DSC2: variants seen among roughly 807,000 people sequenced by gnomAD.
The protein encoded by DSC2 is desmocollin 2, also known as desmocollin-2.
Under a neutral mutation model 87.6 loss-of-function variants are expected in DSC2, and 51 were observed. That is an observed-to-expected ratio of 0.58 (90% CI 0.46 to 0.74). The LOEUF (loss-of-function observed/expected upper bound fraction) is 0.74. Among genes scored for constraint, DSC2 ranks in the 30% least tolerant of loss-of-function variants. DSC2 has a pLI of 0.00. For missense variants in DSC2, 1,066 were observed against 1,089.5 expected (o/e 0.98, Z 0.30); for synonymous variants, 383 against 393.2 (o/e 0.97, Z 0.31).
rs780448272 is a variant in DSC2 at position 31,087,797 on chromosome 18, G to A, written c.647C>T (p.Thr216Ile). ...TTCTGGAGTATACCCATCTGGAGTT[G>A]TTGCAAAGGCAATTATCTGTGAAGA... ...YESFEIIAFATTPDGYTPELP... is the reference protein window; with the variant it reads ...YESFEIIAFAITPDGYTPELP... Residue 216 changes from threonine (T) to isoleucine (I), a missense_variant, in exon 6 of 16, where the codon ACA becomes ATA. Coordinates refer to ENST00000280904, the MANE Select transcript of DSC2 (RefSeq NM_024422.6). 1 of 1,613,814 alleles carries A rather than the reference G, an allele frequency of 6.2e-7. No homozygotes were observed. Among genetic ancestry groups the A allele is most frequent in the Non-Finnish European group, 8.5e-7 (1 of 1,179,822 alleles).
intron 14 of DSC2, among the ~76,000 whole-genome samples, chr18:31,070,390 G>A (rs1483721523): frequency 5.3e-5 from 8 of 152,172 alleles, no homozygotes; most frequent in Non-Finnish European, 1.0e-4. Flanking sequence ...TTGGTAAACC[G>A]TGAATAATTA....
At chr18:31,093,702 ATAT>A in intron 1 of DSC2, 59 bp from the exon 2 acceptor site, 1 of 809,376 alleles carries the variant, frequency 1.2e-6, no homozygotes, top group Non-Finnish European at 1.7e-6. Context: ...TTTAATGTGT[ATAT>A]TATTTATATA....
Position 31,062,016 on chromosome 18 carries a change from C to G in DSC2, c.*5999G>C, listed in dbSNP as rs899878702. On this transcript the variant is annotated 3_prime_UTR_variant, in exon 16 of 16. Transcript: ENST00000280904. Reference sequence around the variant, plus strand: ...TACGTGAGAAGAGCAGGGCTGGGAACTACCTCTTACGTGTTATCTTCCAAG... The same window carrying G: ...TACGTGAGAAGAGCAGGGCTGGGAAGTACCTCTTACGTGTTATCTTCCAAG... 6.6e-6 allele frequency: 1 copy of G among 152,212 alleles called. No individual in the cohort carries two copies. Among genetic ancestry groups the G allele is most frequent in the Admixed American group, 6.5e-5 (1 of 15,270 alleles). The allele number at this position is 152,212 out of a possible 1,614,324, so 9.4% of individuals were successfully genotyped here.
rs775579662 is a variant in DSC2 at position 31,080,307 on chromosome 18, C to G, written c.1309G>C (p.Val437Leu). ...EKQQMILQIG[V>L]VNEAPFSREA... is the part of the protein sequence containing the mutation. ...CTGGAAAATGGAGCTTCATTAACTA[C>G]ACCAATTTGCAAGATCATCTGTTGC... The change falls in exon 10 of 16, where the codon GTA (valine) becomes CTA (leucine). Residue 437 changes from valine (V) to leucine (L), a missense_variant. By Grantham distance (32) the Val-to-Leu change is conservative. Coordinates refer to ENST00000280904, the MANE Select transcript of DSC2 (RefSeq NM_024422.6). 4 of 1,613,890 alleles carry G rather than the reference C, an allele frequency of 2.5e-6. No homozygotes were observed. The highest frequency in any genetic ancestry group is 3.4e-6 in the Non-Finnish European group (4 of 1,179,962).
Position 31,067,329 on chromosome 18 carries a change from C to T in DSC2, c.*686G>A, listed in dbSNP as rs371160064. ...GAGATGCTACTTGACATTTTAAAGACCAAAAACTTGCAGTAGTAAAAATAC... is the reference window on the plus strand; with the variant it reads ...GAGATGCTACTTGACATTTTAAAGATCAAAAACTTGCAGTAGTAAAAATAC... On this transcript the variant is annotated 3_prime_UTR_variant, in exon 16 of 16. Coordinates refer to ENST00000280904, the MANE Select transcript of DSC2 (RefSeq NM_024422.6). 3 of 149,552 alleles carry T rather than the reference C, an allele frequency of 2.0e-5. No individual in the cohort carries two copies. The highest frequency in any genetic ancestry group is 7.4e-5 in the African/African-American group (3 of 40,804). 9.3% of individuals were successfully genotyped at this position (149,552 alleles called of 1,614,324 possible).
chr18:31,074,122 C>T (rs1986923770), intron 12 of DSC2, among the ~76,000 whole-genome samples: 1 of 152,180 alleles, frequency 6.6e-6, no homozygotes. Flanking sequence ...TTAGCTCAGA[C>T]TCCCCCTGGG....
rs771406828 is a variant in DSC2, at chr18:31,079,967, T to A, written c.1543A>T (p.Thr515Ser). ...TTTTCATCAATGGTGACCCACCCTG[T>A]TGGATCAGTTAATTTCTTATACCTG... The part of the protein sequence containing the change: ...GIRYKKLTDP[T>S]GWVTIDENTG... Residue 515 changes from threonine to serine, a missense_variant, in exon 11 of 16, where the codon ACA becomes TCA. Physicochemically the swap from Thr to Ser is moderately conservative, Grantham distance 58. Coordinates refer to ENST00000280904, the MANE Select transcript of DSC2 (RefSeq NM_024422.6). The A allele has an allele frequency of 6.2e-7, 1 of 1,613,942 alleles. No homozygotes were observed. The highest frequency in any genetic ancestry group is 8.5e-7 in the Non-Finnish European group (1 of 1,179,912).
At chr18:31,082,840 G>A (rs941396597) in intron 8 of DSC2, 86 bp downstream of exon 8, 4 of 1,483,140 alleles carry the variant, frequency 2.7e-6, no homozygotes, top group East Asian at 2.3e-5. Flanking sequence ...TTACAGGCGT[G>A]AGCCACTGCG....
rs577956202 is a variant in DSC2 at position 31,097,098 on chromosome 18, C to T, written c.70-3455G>A. ...GAGATAGAGACCATCCTGGCTAACA[C>T]GGTGAAACCCTGTCTCTACTAAAAA... On this transcript the variant is annotated intron_variant, in intron 1 of 15. Coordinates refer to ENST00000280904, the MANE Select transcript of DSC2 (RefSeq NM_024422.6). Among the ~76,000 whole-genome samples the T allele has an allele frequency of 4.0e-5, 6 of 151,422 alleles. No homozygotes were observed. The East Asian group carries it at 5.8e-4, about 15-fold the overall frequency.
intron 3 of DSC2, 68 bp from the exon 4 acceptor site, chr18:31,091,215 A>G (rs766345069): frequency 4.0e-4 from 633 of 1,590,160 alleles, no homozygotes; most frequent in Non-Finnish European, 5.3e-4. Flanking sequence ...TTAAACAATG[A>G]CACATCTTTC....
intron 1 of DSC2, among the ~76,000 whole-genome samples, chr18:31,095,322 A>G (rs868298004): frequency 6.6e-6 from 1 of 152,310 alleles, no homozygotes; most frequent in East Asian, 1.9e-4. Flanking sequence ...AGGACAGTCA[A>G]TGGCAAATGA....
intron 15 of DSC2, 195 bp from the exon 16 acceptor site, chr18:31,068,407 C>T: frequency 6.5e-7 from 1 of 1,536,678 alleles, no homozygotes; most frequent in Non-Finnish European, 9.0e-7. Flanking sequence ...TTCAGTATAG[C>T]ATGTTTCTAA....
rs1254665272 is a variant in DSC2 at position 31,068,161 on chromosome 18, C to T, written c.2560G>A (p.Val854Ile). ...DENHKHAQDY[V>I]LTYNYEGRGS... ...CTTCCTTCATAGTTATATGTCAGGACATAGTCTTGGGCATGCTTGTGATTT... is the reference window on the plus strand; with the variant it reads ...CTTCCTTCATAGTTATATGTCAGGATATAGTCTTGGGCATGCTTGTGATTT... Residue 854 changes from valine to isoleucine, a missense_variant, in exon 16 of 16, where the codon GTC becomes ATC. By Grantham distance (29) the Val-to-Ile change is conservative (BLOSUM62 3). Transcript: ENST00000280904. 1.2e-6 allele frequency: 2 copies of T among 1,613,960 alleles called. No individual in the cohort carries two copies. The highest frequency in any genetic ancestry group is 2.7e-5 in the African/African-American group (2 of 74,914).
rs1225590469 is a variant in DSC2 at position 31,065,389 on chromosome 18, C to T, written c.*2626G>A. On this transcript the variant is annotated 3_prime_UTR_variant, in exon 16 of 16. Coordinates refer to ENST00000280904, the MANE Select transcript of DSC2 (RefSeq NM_024422.6). ...TGATTGAGTGCTAACTCTATGCCAA[C>T]TCTTTTCATGAATTAACTCTGACAA... The T allele has an allele frequency of 1.3e-5, 2 of 152,266 alleles. No homozygotes were observed. The allele number at this position is 152,266 out of a possible 1,614,324, so 9.4% of individuals were successfully genotyped here.
intron 6 of DSC2, among the ~76,000 whole-genome samples, chr18:31,087,225 A>T (rs1987428775): frequency 1.3e-5 from 2 of 152,222 alleles, no homozygotes; most frequent in Admixed American, 1.3e-4. Flanking sequence ...TGACTTTCAT[A>T]ATCGTGCCCA....
At chr18:31,087,879 T>C in intron 5 of DSC2, 66 bp from the exon 6 acceptor site, 2 of 1,564,916 alleles carry the variant, frequency 1.3e-6, no homozygotes, top group Non-Finnish European at 1.8e-6. Flanking sequence ...TGCTTCAAAT[T>C]CATTTTGGCT....
In DSC2 at chr18:31,086,745, A is replaced by G. The variant is rs752192642; in HGVS notation, c.776-3T>C. ...ACACACTTGTCCCACAGTAGTGCCT[A>G]GAGAAGAAAAGTCCTTTTTAATCTC... is the stretch of plus-strand genomic sequence containing the variant. On this transcript the variant is annotated splice_polypyrimidine_tract_variant and splice_region_variant and intron_variant, in intron 6 of 15. Transcript: ENST00000280904. 4 of 1,613,698 alleles carry G rather than the reference A, an allele frequency of 2.5e-6. No homozygotes were observed. Among genetic ancestry groups the G allele is most frequent in the South Asian group, 1.1e-5 (1 of 91,056 alleles).
intron 11 of DSC2, among the ~76,000 whole-genome samples, chr18:31,076,933 A>T (rs1987036554): frequency 6.6e-6 from 1 of 152,234 alleles, no homozygotes; most frequent in Non-Finnish European, 1.5e-5. Flanking sequence ...TAATAGCTGC[A>T]CAGTGCCATG....
chr18:31,075,897 T>G (rs746397162), intron 11 of DSC2, among the ~76,000 whole-genome samples: 28 of 151,678 alleles, frequency 1.8e-4, no homozygotes, highest in Non-Finnish European at 3.4e-4. Flanking sequence ...GAAAGAAACT[T>G]ACAGGATGAC....
Sources: allele counts gnomAD v4.1 joint callset (sites outside exome capture counted in the v4.1 genomes callset), GRCh38; gene constraint gnomAD v4.1.1; transcripts MANE v1.5; gene names NCBI Gene and HGNC (gene_info 2026-07-23, HGNC 2026-07-21).